The following PRSS16 variants were observed in gnomAD, a reference collection of about 807,000 sequenced individuals.
PRSS16 encodes the protein thymus-specific serine protease.
PRSS16 carries 43 observed loss-of-function variants against 61.7 expected under a neutral mutation model. The ratio of observed to expected loss-of-function variants is 0.70; its 90% CI spans 0.55 to 0.90. PRSS16 has a LOEUF of 0.90. PRSS16 is among the 40% of genes least tolerant of loss of function. PRSS16 has a pLI of 0.00. For synonymous variants in PRSS16, 273 were observed against 285.2 expected (o/e 0.96, Z 0.43); for missense variants, 591 against 659.1 (o/e 0.90, Z 1.13).
In PRSS16 at chr6:27,252,743, C is replaced by G; in HGVS notation, c.1009-65C>G. 1 of 1,596,900 alleles carries G rather than the reference C, an allele frequency of 6.3e-7. No individual in the cohort carries two copies. The highest frequency in any genetic ancestry group is 1.1e-5 in the South Asian group (1 of 89,732). On this transcript the variant is annotated intron_variant, in intron 8 of 11. Transcript: ENST00000230582. The surrounding 1 kb of genome is among the most constrained non-coding windows in gnomAD (Gnocchi z 4.2). ...TTTTGACCTCTGGGGACATAGGCCT[C>G]TGCACCCTGGCTTGCTGGGAAGAGA... is the stretch of plus-strand genomic sequence containing the variant.
intron 5 of PRSS16, 83 bp from the exon 6 acceptor site, chr6:27,250,959 C>T: frequency 6.3e-7 from 1 of 1,585,316 alleles, no homozygotes; most frequent in African/African-American, 1.3e-5. Flanking sequence ...CCCGAGATTA[C>T]ACAGCGAGTA....
Position 27,248,910 on chromosome 6 carries a change from G to C in PRSS16, c.301G>C (p.Gly101Arg), listed in dbSNP as rs1172779420. Residue 101 changes from glycine to arginine, a missense_variant, in exon 3 of 12, where the codon GGT (glycine) becomes CGT (arginine). Physicochemically the swap from Gly to Arg is moderately radical, Grantham distance 125 (BLOSUM62 -2). Coordinates refer to ENST00000230582, the MANE Select transcript of PRSS16 (RefSeq NM_005865.4). The stretch of plus-strand genomic sequence containing the variant: ...TGGACCCATATTCCTGCATCTAGGG[G>C]GTGAGGGCAGCCTTGGGCCTGGCTC... ...QDGPIFLHLG[G>R]EGSLGPGSVM... 1 of 1,612,836 alleles carries C rather than the reference G, an allele frequency of 6.2e-7. No individual in the cohort carries two copies. The highest frequency in any genetic ancestry group is 8.5e-7 in the Non-Finnish European group (1 of 1,179,406).
rs773251771 is a variant in PRSS16, at chr6:27,255,052, T to C, written c.1397T>C (p.Leu466Pro). Residue 466 changes from leucine to proline, a missense_variant, in exon 11 of 12, where the codon CTT becomes CCT. Transcript: ENST00000230582. This position sits in a 1 kb window ranked among gnomAD's most constrained non-coding sequence, Gnocchi z 4.4. ...TTAGGATCCTCAGAATCAACTCTTC[T>C]TATCCGCACTGGCTCCCACTGCTTG... ...QALGSSESTL[L>P]IRTGSHCLDM... is the part of the protein sequence containing the mutation. 7 of 1,614,054 alleles carry C rather than the reference T, an allele frequency of 4.3e-6. No homozygotes were observed. The South Asian group carries it at 6.6e-5, about 15-fold the overall frequency.
chr6:27,253,001 A>C lies in PRSS16; in HGVS notation c.1150+52A>C, dbSNP rs372052420. 20 of 1,611,306 alleles carry C rather than the reference A, an allele frequency of 1.2e-5. No individual in the cohort carries two copies. The African/African-American group carries it at 2.7e-4, about 22-fold the overall frequency. On this transcript the variant is annotated intron_variant, in intron 9 of 11. Coordinates refer to ENST00000230582, the MANE Select transcript of PRSS16 (RefSeq NM_005865.4). The stretch of plus-strand genomic sequence containing the variant: ...TGTCCCCTCAAACAACCTTTTTACT[A>C]TGCCCAGAGAAGTCATCTTACAGGT...
chr6:27,251,794 G>C lies in PRSS16; in HGVS notation c.762G>C (p.Arg254=). The change falls in exon 8 of 12, where the codon CGG becomes CGC. Residue 254 remains arginine (R), a synonymous_variant. Coordinates refer to ENST00000230582, the MANE Select transcript of PRSS16 (RefSeq NM_005865.4). The surrounding 1 kb of genome is among the most constrained non-coding windows in gnomAD (Gnocchi z 5.6). ...TCGCCTTCGCTGAAGTGGAGCGGCG[G>C]CTGCGCTCGGGTGGGGCGGCTCAAG... is the stretch of plus-strand genomic sequence containing the variant. ...VSVAFAEVER[R]LRSGGAAQAA... is the part of the protein sequence containing the mutation. 1 of 1,609,258 alleles carries C rather than the reference G, an allele frequency of 6.2e-7. No homozygotes were observed. Among genetic ancestry groups the C allele is most frequent in the Non-Finnish European group, 8.5e-7 (1 of 1,179,086 alleles).
rs756341050 is a variant in PRSS16, at chr6:27,251,942, G to C, written c.910G>C (p.Ala304Pro). The change falls in exon 8 of 12, where the codon GCG becomes CCG. Residue 304 changes from alanine to proline, a missense_variant. Ala to Pro is a conservative substitution (Grantham distance 27). Coordinates refer to ENST00000230582, the MANE Select transcript of PRSS16 (RefSeq NM_005865.4). The surrounding 1 kb of genome is among the most constrained non-coding windows in gnomAD (Gnocchi z 5.6). ...GVVQYDGQTG[A>P]PLSVRQLCGL... ...AGTGCAGTATGATGGGCAGACGGGAGCGCCGCTAAGCGTGCGACAGCTCTG... is the reference window on the plus strand; with the variant it reads ...AGTGCAGTATGATGGGCAGACGGGACCGCCGCTAAGCGTGCGACAGCTCTG... The C allele has an allele frequency of 1.2e-6, 2 of 1,610,750 alleles. No individual in the cohort carries two copies. Among genetic ancestry groups the C allele is most frequent in the South Asian group, 2.2e-5 (2 of 90,802 alleles).
Position 27,252,011 on chromosome 6 carries a change from C to A in PRSS16, c.979C>A (p.Pro327Thr). 1 of 1,565,650 alleles carries A rather than the reference C, an allele frequency of 6.4e-7. No individual in the cohort carries two copies. Among genetic ancestry groups the A allele is most frequent in the Admixed American group, 1.9e-5 (1 of 51,352 alleles). ...GGGGNRSHST[P>T]YCGLRRAVQI... ...CGGGGGCAACCGCAGCCACTCCACG[C>A]CCTACTGCGGGCTTCGTCGGGCGGT... The change falls in exon 8 of 12, where the codon CCC (proline) becomes ACC (threonine). Residue 327 changes from proline to threonine, a missense_variant. Coordinates refer to ENST00000230582, the MANE Select transcript of PRSS16 (RefSeq NM_005865.4). This position sits in a 1 kb window ranked among gnomAD's most constrained non-coding sequence, Gnocchi z 4.2.
chr6:27,256,134 G>C lies in PRSS16; in HGVS notation c.*819G>C, dbSNP rs1182652956. The C allele has an allele frequency of 6.6e-6, 1 of 152,388 alleles. No homozygotes were observed. The highest frequency in any genetic ancestry group is 1.5e-5 in the Non-Finnish European group (1 of 68,226). The allele number at this position is 152,388 out of a possible 1,614,324, so 9.4% of individuals were successfully genotyped here. A position where few individuals can be genotyped will look rare whatever the true frequency, so the allele number is the denominator to read the frequency against. ...TCCCTGAGGCTCTATTTCTGTCTCT[G>C]ATGCTCTTCTTCTGTGTCTCTATTT... On this transcript the variant is annotated 3_prime_UTR_variant, in exon 12 of 12. Coordinates refer to ENST00000230582, the MANE Select transcript of PRSS16 (RefSeq NM_005865.4).
Position 27,251,197 on chromosome 6 carries a change from C to T in PRSS16, c.670-20C>T, listed in dbSNP as rs767099468. 1 of 1,613,390 alleles carries T rather than the reference C, an allele frequency of 6.2e-7. No homozygotes were observed. The highest frequency in any genetic ancestry group is 8.5e-7 in the Non-Finnish European group (1 of 1,179,604). On this transcript the variant is annotated intron_variant, in intron 6 of 11. Transcript: ENST00000230582. The surrounding 1 kb of genome is among the most constrained non-coding windows in gnomAD (Gnocchi z 5.6). ...GTCCCTTGACACTTCCGGATACCTT[C>T]CTCTGCGGTCCGCCCACAGGTGGTA...
Position 27,249,118 on chromosome 6 carries a change from C to T in PRSS16, c.356C>T (p.Ala119Val). The change falls in exon 4 of 12, where the codon GCC becomes GTC. Residue 119 changes from alanine (A) to valine (V), a missense_variant. Coordinates refer to ENST00000230582, the MANE Select transcript of PRSS16 (RefSeq NM_005865.4). ...SVMRGHPAAL[A>V]PAWGALVISL... is the part of the protein sequence containing the mutation. ...TTCACAGGCCATCCCGCAGCCTTGG[C>T]CCCAGCCTGGGGCGCCCTGGTGATA... The T allele has an allele frequency of 6.6e-7, 1 of 1,517,218 alleles. No individual in the cohort carries two copies. 94.0% of individuals were successfully genotyped at this position (1,517,218 alleles called of 1,614,324 possible). A position where few individuals can be genotyped will look rare whatever the true frequency, so the allele number is the denominator to read the frequency against.
chr6:27,254,479 A>T (rs1459944245), intron 9 of PRSS16: 1 of 520,102 alleles, frequency 1.9e-6, no homozygotes, highest in African/African-American at 1.9e-5. Flanking sequence ...TTCCTCTGGG[A>T]TCCCTGCCTT....
At chr6:27,253,038 A>G in intron 9 of PRSS16, 89 bp downstream of exon 9, 1 of 1,543,152 alleles carries the variant, frequency 6.5e-7, no homozygotes, top group East Asian at 2.3e-5. Context: ...GTCTGGACTC[A>G]TTTCGACCCA....
In PRSS16 at chr6:27,252,194, T is replaced by C; in HGVS notation, c.1008+154T>C. On this transcript the variant is annotated intron_variant, in intron 8 of 11. Transcript: ENST00000230582. The surrounding 1 kb of genome is among the most constrained non-coding windows in gnomAD (Gnocchi z 4.2). ...ACACTTCACAGGGCCGATGGGAAGATGAAATGAGGCGGGTCATGTAGAGCA... is the reference window on the plus strand; with the variant it reads ...ACACTTCACAGGGCCGATGGGAAGACGAAATGAGGCGGGTCATGTAGAGCA... The C allele has an allele frequency of 1.1e-6, 1 of 945,374 alleles. No homozygotes were observed. Among genetic ancestry groups the C allele is most frequent in the Non-Finnish European group, 1.5e-6 (1 of 667,504 alleles). The allele number at this position is 945,374 out of a possible 1,614,324, so 58.6% of individuals were successfully genotyped here. A position where few individuals can be genotyped will look rare whatever the true frequency, so the allele number is the denominator to read the frequency against.
Position 27,251,171 on chromosome 6 carries a change from A to G in PRSS16, c.670-46A>G, listed in dbSNP as rs1318821189. ...GACGGGGAGGGGTCCCAGCGGGCGG[A>G]GTCCCTTGACACTTCCGGATACCTT... On this transcript the variant is annotated intron_variant, in intron 6 of 11. Coordinates refer to ENST00000230582, the MANE Select transcript of PRSS16 (RefSeq NM_005865.4). The surrounding 1 kb of genome is among the most constrained non-coding windows in gnomAD (Gnocchi z 5.6). 6.2e-7 allele frequency: 1 copy of G among 1,613,834 alleles called. No individual in the cohort carries two copies. Among genetic ancestry groups the G allele is most frequent in the Non-Finnish European group, 8.5e-7 (1 of 1,180,006 alleles).
chr6:27,250,659 A>G lies in PRSS16; in HGVS notation c.468-24A>G, dbSNP rs1169117042. The stretch of plus-strand genomic sequence containing the variant: ...CAGGGATTCCCAGCGATGAGGACCG[A>G]CCGAGTCCCCCCTTTGACCCTAGGC... On this transcript the variant is annotated intron_variant, in intron 4 of 11. Coordinates refer to ENST00000230582, the MANE Select transcript of PRSS16 (RefSeq NM_005865.4). 7 of 1,577,734 alleles carry G rather than the reference A, an allele frequency of 4.4e-6. No homozygotes were observed. The Admixed American group carries it at 1.3e-4, about 29-fold the overall frequency.
chr6:27,250,292 C>G (rs1402551394), intron 4 of PRSS16, among the ~76,000 whole-genome samples: 1 of 152,228 alleles, frequency 6.6e-6, no homozygotes, highest in African/African-American at 2.4e-5. Context: ...TGTCTGTTCT[C>G]TCTCCCAATA....
chr6:27,255,159 T>G lies in PRSS16; in HGVS notation c.1476+28T>G, dbSNP rs572084195. On this transcript the variant is annotated intron_variant, in intron 11 of 11. Coordinates refer to ENST00000230582, the MANE Select transcript of PRSS16 (RefSeq NM_005865.4). This position sits in a 1 kb window ranked among gnomAD's most constrained non-coding sequence, Gnocchi z 4.4. ...AAGAGAAAAAAGGCTCTGAATCATT[T>G]GCATTCTCATTTGAATAATCACTTG... The G allele has an allele frequency of 1.0e-4, 169 of 1,613,972 alleles. No individual in the cohort carries two copies. The highest frequency in any genetic ancestry group is 1.4e-4 in the Non-Finnish European group (162 of 1,180,002).
rs1449173795 is a variant in PRSS16, at chr6:27,256,277, C to CCATGA, written c.*962_*963insCATGA. On this transcript the variant is annotated 3_prime_UTR_variant, in exon 12 of 12. Transcript: ENST00000230582. ...ATCACTCCCTGGTACTTCCAGCTTC[C>CCATGA]AACTCTAGGGATTCATGATTCTGGT... 2 of 152,630 alleles carry CCATGA rather than the reference C, an allele frequency of 1.3e-5. No individual in the cohort carries two copies. Among genetic ancestry groups the CCATGA allele is most frequent in the African/African-American group, 4.8e-5 (2 of 41,346 alleles). 9.5% of individuals were successfully genotyped at this position (152,630 alleles called of 1,614,324 possible).
In PRSS16 at chr6:27,251,195, T is replaced by C. The variant is rs371550730; in HGVS notation, c.670-22T>C. On this transcript the variant is annotated intron_variant, in intron 6 of 11. Transcript: ENST00000230582. This position sits in a 1 kb window ranked among gnomAD's most constrained non-coding sequence, Gnocchi z 5.6. ...GAGTCCCTTGACACTTCCGGATACC[T>C]TCCTCTGCGGTCCGCCCACAGGTGG... The C allele has an allele frequency of 7.4e-6, 12 of 1,613,512 alleles. No homozygotes were observed. Among genetic ancestry groups the C allele is most frequent in the Non-Finnish European group, 1.0e-5 (12 of 1,179,646 alleles).
Sources: gnomAD v4.1 joint callset for allele counts (sites outside exome capture counted in the v4.1 genomes callset) on GRCh38, gnomAD v4.1.1 for gene constraint, Gnocchi (gnomAD v3.1) non-coding constraint, MANE v1.5 for transcripts, NCBI Gene and HGNC (gene_info 2026-07-23, HGNC 2026-07-21) for gene names.